The following OTUD7A variants were observed in gnomAD, a reference collection of about 807,000 sequenced individuals.
OTUD7A encodes OTU deubiquitinase 7A.
In OTUD7A, 12 loss-of-function variants were observed where a neutral mutation model predicts 65.7. The ratio of observed to expected loss-of-function variants is 0.18; its 90% CI spans 0.12 to 0.30. The LOEUF (loss-of-function observed/expected upper bound fraction) is 0.30, where lower values mean the gene tolerates loss of function less well. OTUD7A is among the 10% of genes least tolerant of loss of function. The pLI, the probability that OTUD7A is intolerant of heterozygous loss-of-function variation, is 1.00. For synonymous variants in OTUD7A, 641 were observed against 586.3 expected, an observed-to-expected ratio of 1.09 and a Z score of -1.35; for missense variants, 1,148 against 1,304.8, an observed-to-expected ratio of 0.88 and a Z score of 1.85.
chr15:31,600,055 T>C (rs1170743793), intron 3 of OTUD7A, among the ~76,000 whole-genome samples: 1 of 152,126 alleles, frequency 6.6e-6, no homozygotes, highest in Non-Finnish European at 1.5e-5. Flanking sequence ...GGAACCAAGA[T>C]GGAAAACACT....
At chr15:31,556,426 C>G (rs1888497048) in intron 5 of OTUD7A, 1 of 152,212 alleles carries the variant, frequency 6.6e-6, no homozygotes, top group Non-Finnish European at 1.5e-5. Context: ...AATTTAACAT[C>G]TTAACTCACT....
chr15:31,626,131 G>A (rs548142058), intron 3 of OTUD7A, among the ~76,000 whole-genome samples: 2 of 152,106 alleles, frequency 1.3e-5, no homozygotes, highest in Admixed American at 6.6e-5. Flanking sequence ...GTGTCTATTC[G>A]TCAATACCTA....
chr15:31,833,668 CTATTTATTGACACTCTTT>C (rs1308988100), intron 1 of OTUD7A, among the ~76,000 whole-genome samples: 1 of 152,170 alleles, frequency 6.6e-6, no homozygotes, highest in Non-Finnish European at 1.5e-5. Flanking sequence ...GTTGTAGTTA[CTATTTATTGACACTCTTT>C]TAGAACCAGG....
chr15:31,848,823 A>AGCACG (rs1897350826), intron 1 of OTUD7A, among the ~76,000 whole-genome samples: 1 of 152,200 alleles, frequency 6.6e-6, no homozygotes, highest in Admixed American at 6.5e-5. Flanking sequence ...AAAGTCAGAG[A>AGCACG]GCATGCACTG....
chr15:31,733,040 G>A (rs1275911997), intron 1 of OTUD7A, among the ~76,000 whole-genome samples: 1 of 152,204 alleles, frequency 6.6e-6, no homozygotes, highest in Non-Finnish European at 1.5e-5. Context: ...CTGAAAAAAA[G>A]CTCTTTAACA....
chr15:31,766,755 T>C, intron 1 of OTUD7A: 1 of 1,612,566 alleles, frequency 6.2e-7, no homozygotes, highest in Non-Finnish European at 8.5e-7. Flanking sequence ...TGAATGGCTT[T>C]TGAATATTTT....
chr15:31,533,863 A>G (rs1354117095), intron 5 of OTUD7A, among the ~76,000 whole-genome samples: 1 of 152,224 alleles, frequency 6.6e-6, no homozygotes, highest in Non-Finnish European at 1.5e-5. Context: ...ATGTATGTTG[A>G]ATAAATATTT....
chr15:31,838,654 A>G (rs1218506347), intron 1 of OTUD7A, among the ~76,000 whole-genome samples: 1 of 90,428 alleles, frequency 1.1e-5, no homozygotes, highest in African/African-American at 3.8e-5. Flanking sequence ...ACTGATCTCA[A>G]AGACCCCCCC....
At chr15:31,852,389 G>A (rs1220061947) in intron 1 of OTUD7A, among the ~76,000 whole-genome samples, 1 of 152,154 alleles carries the variant, frequency 6.6e-6, no homozygotes, top group Admixed American at 6.5e-5. Context: ...TTGAAACTAA[G>A]TTTTGCAGAT....
intron 3 of OTUD7A, among the ~76,000 whole-genome samples, chr15:31,592,380 T>TA (rs34449587): frequency 0.21 from 32,023 of 150,820 alleles, 4,378 homozygotes; most frequent in East Asian, 0.66. Flanking sequence ...AATCTTTTTT[T>TA]AAAAAAAAAA....
intron 3 of OTUD7A, among the ~76,000 whole-genome samples, chr15:31,629,574 C>T (rs1891076265): frequency 1.3e-5 from 2 of 152,150 alleles, no homozygotes; most frequent in African/African-American, 4.8e-5. Flanking sequence ...TGTGTCTCTG[C>T]CAGGCTTTGG....
At chr15:31,822,863 G>A (rs935434628) in intron 1 of OTUD7A, among the ~76,000 whole-genome samples, 10 of 152,076 alleles carry the variant, frequency 6.6e-5, no homozygotes, top group African/African-American at 2.2e-4. Context: ...GTACCCTAAC[G>A]GAGGACTCTA....
chr15:31,553,307 T>C (rs992887621), intron 5 of OTUD7A, among the ~76,000 whole-genome samples: 1 of 151,976 alleles, frequency 6.6e-6, no homozygotes, highest in African/African-American at 2.4e-5. Flanking sequence ...CCAGCCTGAG[T>C]CTTTGGAAAG....
chr15:31,507,156 G>A (rs2041587577), intron 8 of OTUD7A, among the ~76,000 whole-genome samples: 2 of 152,150 alleles, frequency 1.3e-5, no homozygotes, highest in Non-Finnish European at 2.9e-5. Context: ...TACTGAAGAA[G>A]GGGAAGATGG....
intron 1 of OTUD7A, among the ~76,000 whole-genome samples, chr15:31,720,354 A>C (rs1431968825): frequency 6.6e-6 from 1 of 150,988 alleles, no homozygotes; most frequent in African/African-American, 2.4e-5. Context: ...AATTCTCATG[A>C]CCTAGTGACA....
intron 10 of OTUD7A, among the ~76,000 whole-genome samples, chr15:31,491,913 C>A (rs1057405374): frequency 6.6e-6 from 1 of 151,744 alleles, no homozygotes; most frequent in African/African-American, 2.4e-5. Flanking sequence ...CTATACCCAG[C>A]CAAAATATCT....
chr15:31,727,666 T>C lies in OTUD7A; in HGVS notation c.-99-70589A>G, dbSNP rs570607258. Among the ~76,000 whole-genome samples the C allele has an allele frequency of 6.6e-5, 10 of 152,330 alleles. No homozygotes were observed. In the East Asian group the frequency reaches 1.7e-3, roughly 26 times the overall value. On this transcript the variant is annotated intron_variant, in intron 1 of 12. Transcript: ENST00000307050. ...TCAGCTTTGGCCTTTCCTCCAAGAC[T>C]ATTCTTGCTAAGATCCATGGGATGG...
At chr15:31,829,890 C>G (rs77785440) in intron 1 of OTUD7A, among the ~76,000 whole-genome samples, 529 of 152,312 alleles carry the variant, frequency 3.5e-3, no homozygotes, top group Non-Finnish European at 5.9e-3. Flanking sequence ...AAAGCCACTG[C>G]TCAGGGCTCA....
intron 1 of OTUD7A, among the ~76,000 whole-genome samples, chr15:31,786,464 C>A (rs535398548): frequency 1.3e-5 from 2 of 152,166 alleles, no homozygotes; most frequent in Admixed American, 6.5e-5. Context: ...GTGTGTGGCA[C>A]GTCTGTGTGT....
Sources: allele counts gnomAD v4.1 joint callset (sites outside exome capture counted in the v4.1 genomes callset), GRCh38; gene constraint gnomAD v4.1.1; transcripts MANE v1.5; gene names NCBI Gene and HGNC (gene_info 2026-07-23, HGNC 2026-07-21).